KAT6A: variants seen among roughly 807,000 people sequenced by gnomAD.
The protein encoded by KAT6A is lysine acetyltransferase 6A.
Under a neutral mutation model 198.4 loss-of-function variants are expected in KAT6A, and 9 were observed. The ratio of observed to expected loss-of-function variants is 0.05; its 90% CI spans 0.03 to 0.08. The LOEUF (loss-of-function observed/expected upper bound fraction) is 0.08, where lower values mean the gene tolerates loss of function less well. Among genes scored for constraint, KAT6A ranks in the 10% least tolerant of loss-of-function variants. The pLI is 1.00. For synonymous variants in KAT6A, 890 were observed against 883.0 expected (o/e 1.01, Z -0.14); for missense variants, 2,077 against 2,509.9 (o/e 0.83, Z 3.69).
At chr8:41,996,078 A>G (rs974167052) in intron 2 of KAT6A, among the ~76,000 whole-genome samples, 5 of 152,052 alleles carry the variant, frequency 3.3e-5, no homozygotes, top group Admixed American at 2.0e-4. Flanking sequence ...ATCTAACTTT[A>G]TTTTGTCTCT....
At chr8:41,951,493 T>C (rs542772187) in intron 9 of KAT6A, among the ~76,000 whole-genome samples, 6 of 152,348 alleles carry the variant, frequency 3.9e-5, no homozygotes, top group Admixed American at 3.9e-4. Flanking sequence ...TGAATACTCC[T>C]AGCCCTAGAG....
At chr8:42,043,510 C>T (rs1827765185) in intron 2 of KAT6A, 1 of 151,974 alleles carries the variant, frequency 6.6e-6, no homozygotes, top group East Asian at 1.9e-4. Flanking sequence ...TTTTAATGGA[C>T]CTCAGATATA....
intron 2 of KAT6A, among the ~76,000 whole-genome samples, chr8:42,005,585 C>T (rs1346459399): frequency 1.3e-5 from 2 of 152,176 alleles, no homozygotes; most frequent in Non-Finnish European, 2.9e-5. Context: ...TGCTGTTTTC[C>T]TAGCCAGCAC....
At chr8:42,022,800 T>C (rs1826613952) in intron 2 of KAT6A, among the ~76,000 whole-genome samples, 1 of 152,158 alleles carries the variant, frequency 6.6e-6, no homozygotes, top group Non-Finnish European at 1.5e-5. Context: ...AAATGTCCAT[T>C]AACAAGGGGC....
chr8:41,950,177 T>C (rs1822595405), intron 9 of KAT6A, among the ~76,000 whole-genome samples: 1 of 152,356 alleles, frequency 6.6e-6, no homozygotes, highest in African/African-American at 2.4e-5. Context: ...AGTGTGTTGT[T>C]GGCTACTTTG....
intron 8 of KAT6A, among the ~76,000 whole-genome samples, chr8:41,970,626 AC>A (rs2150881985): frequency 6.6e-6 from 1 of 152,328 alleles, no homozygotes; most frequent in African/African-American, 2.4e-5. Flanking sequence ...TGTTGGTGGG[AC>A]TGCAAACTAG....
At chr8:42,035,869 G>A (rs1827351882) in intron 2 of KAT6A, among the ~76,000 whole-genome samples, 1 of 152,112 alleles carries the variant, frequency 6.6e-6, no homozygotes, top group African/African-American at 2.4e-5. Context: ...TACTCTAACG[G>A]GAGAGTCTTC....
rs147305025 is a variant in KAT6A at position 41,976,943 on chromosome 8, A to G, written c.1363+65T>C. 1.3e-3 allele frequency: 1,543 copies of G among 1,228,686 alleles called. 11 individuals carry two copies. In the African/African-American group the frequency reaches 0.022, roughly 17 times the overall value. The allele number at this position is 1,228,686 out of a possible 1,614,324, so 76.1% of individuals were successfully genotyped here. A position where few individuals can be genotyped will look rare whatever the true frequency, so the allele number is the denominator to read the frequency against. On this transcript the variant is annotated intron_variant, in intron 7 of 16. Coordinates refer to ENST00000265713, the MANE Select transcript of KAT6A (RefSeq NM_006766.5). ...AAATATAAATCCATTATAGATAATT[A>G]GTGTTATCCCGAATAATACATGTAC...
intron 2 of KAT6A, among the ~76,000 whole-genome samples, chr8:41,998,333 C>T (rs1438958662): frequency 2.0e-5 from 3 of 152,122 alleles, no homozygotes; most frequent in Non-Finnish European, 4.4e-5. Context: ...CACATATTCC[C>T]TTTAGGAAAC....
chr8:42,001,187 T>G (rs927683358), intron 2 of KAT6A, among the ~76,000 whole-genome samples: 1 of 152,160 alleles, frequency 6.6e-6, no homozygotes, highest in Non-Finnish European at 1.5e-5. Context: ...GCATTATTCA[T>G]AGCAAAAAGA....
chr8:41,962,831 C>T (rs1055775719), intron 8 of KAT6A, among the ~76,000 whole-genome samples: 6 of 152,184 alleles, frequency 3.9e-5, no homozygotes, highest in Admixed American at 2.0e-4. Flanking sequence ...CCTCCTTGTA[C>T]TTCCTTGATC....
chr8:41,962,796 A>C (rs574383563), intron 8 of KAT6A, among the ~76,000 whole-genome samples: 16 of 152,222 alleles, frequency 1.1e-4, no homozygotes, highest in African/African-American at 3.9e-4. Context: ...TTTGAGCCTT[A>C]TGTATTTGGC....
intron 8 of KAT6A, among the ~76,000 whole-genome samples, chr8:41,969,034 G>T (rs1485595873): frequency 6.6e-6 from 1 of 152,098 alleles, no homozygotes; most frequent in African/African-American, 2.4e-5. Flanking sequence ...GTCCCTTCCA[G>T]ACTATAAGCT....
At chr8:41,959,675 T>C (rs1010961780) in intron 8 of KAT6A, among the ~76,000 whole-genome samples, 3 of 152,036 alleles carry the variant, frequency 2.0e-5, no homozygotes, top group African/African-American at 7.2e-5. Context: ...AGGAAGGCAA[T>C]GGTTGGGCGC....
intron 14 of KAT6A, among the ~76,000 whole-genome samples, chr8:41,941,719 T>A (rs542772239): frequency 6.6e-6 from 1 of 152,304 alleles, no homozygotes; most frequent in Non-Finnish European, 1.5e-5. Context: ...ATTTAAGTAA[T>A]CTGCCCCAGG....
intron 8 of KAT6A, among the ~76,000 whole-genome samples, chr8:41,969,375 ACTTT>A (rs1309778103): frequency 1.3e-5 from 2 of 152,116 alleles, no homozygotes; most frequent in Non-Finnish European, 2.9e-5. Flanking sequence ...GCTTCAAACC[ACTTT>A]CTTTATTAAA....
At chr8:41,936,858 T>C (rs906565343) in intron 16 of KAT6A, among the ~76,000 whole-genome samples, 1 of 152,204 alleles carries the variant, frequency 6.6e-6, no homozygotes, top group African/African-American at 2.4e-5. Context: ...GCGCCGGGCT[T>C]AAGCACTCAG....
intron 8 of KAT6A, among the ~76,000 whole-genome samples, chr8:41,961,206 CTGCAATT>C (rs1823188158): frequency 6.6e-6 from 1 of 152,236 alleles, no homozygotes; most frequent in South Asian, 2.1e-4. Context: ...AAGAAAACTT[CTGCAATT>C]TTTCCCACCC....
chr8:41,964,889 TGAG>T (rs1422037349), intron 8 of KAT6A, among the ~76,000 whole-genome samples: 2 of 152,218 alleles, frequency 1.3e-5, no homozygotes, highest in African/African-American at 2.4e-5. Context: ...CTGATGATGA[TGAG>T]GAGGAGGAGA....
Sources: gnomAD v4.1 joint callset for allele counts (sites outside exome capture counted in the v4.1 genomes callset) on GRCh38, gnomAD v4.1.1 for gene constraint, MANE v1.5 for transcripts, NCBI Gene and HGNC (gene_info 2026-07-23, HGNC 2026-07-21) for gene names.